Variants in LTA4H observed in about 807,000 individuals in gnomAD.
LTA4H encodes the protein leukotriene A4 hydrolase.
LTA4H carries 59 observed loss-of-function variants against 89.8 expected under a neutral mutation model. The ratio of observed to expected loss-of-function variants is 0.66; its 90% confidence interval spans 0.53 to 0.82. LTA4H has a LOEUF of 0.82. Among genes scored for constraint, LTA4H ranks in the 40% least tolerant of loss-of-function variants. The probability of loss-of-function intolerance (pLI) is 0.00; values close to 1 mark genes in which losing one functional copy is unlikely to be tolerated. For missense variants in LTA4H, 617 were observed against 727.0 expected, an observed-to-expected ratio of 0.85 and a Z score of 1.74; for synonymous variants, 227 against 253.1, an observed-to-expected ratio of 0.90 and a Z score of 0.98.
At chr12:96,019,748 C>T (rs530865108) in intron 6 of LTA4H, among the ~76,000 whole-genome samples, 16 of 151,786 alleles carry the variant, frequency 1.1e-4, no homozygotes, top group South Asian at 6.2e-4. Context: ...CCCGCCACCA[C>T]GCCCAGCTAA....
intron 2 of LTA4H, among the ~76,000 whole-genome samples, chr12:96,028,608 G>T (rs1360292244): frequency 6.6e-6 from 1 of 152,180 alleles, no homozygotes; most frequent in African/African-American, 2.4e-5. Context: ...ATACAAGAAT[G>T]CATTTAAAGC....
chr12:96,001,083 G>A lies in LTA4H; in HGVS notation c.1742C>T (p.Ser581Phe), dbSNP rs1190162137. Reference sequence around the variant, plus strand: ...GTAGGTTCGGACAGCTTGATCATGGGATTTGTCAAAGGCAGCAAGATCCCT... The same window carrying A: ...GTAGGTTCGGACAGCTTGATCATGGAATTTGTCAAAGGCAGCAAGATCCCT... ...LFKDLAAFDKSHDQAVRTYQE... is the reference protein window; with the variant it reads ...LFKDLAAFDKFHDQAVRTYQE... Residue 581 changes from serine to phenylalanine, a missense_variant, in exon 19 of 19, where the codon TCC becomes TTC. Physicochemically the swap from Ser to Phe is radical, Grantham distance 155 (BLOSUM62 -2). This residue lies in a region of LTA4H where 290 missense variants were observed against 339.1 expected (regional missense o/e 0.86). Transcript: ENST00000228740. 6.2e-7 allele frequency: 1 copy of A among 1,613,634 alleles called. No individual in the cohort carries two copies. The highest frequency in any genetic ancestry group is 8.5e-7 in the Non-Finnish European group (1 of 1,179,816).
chr12:96,001,357 A>G (rs1565998981), intron 18 of LTA4H, among the ~76,000 whole-genome samples: 1 of 152,202 alleles, frequency 6.6e-6, no homozygotes, highest in Non-Finnish European at 1.5e-5. Flanking sequence ...ACAGGGTCCC[A>G]GAGACCTCCT....
chr12:96,017,736 AC>A (rs1592884247), intron 8 of LTA4H, among the ~76,000 whole-genome samples, 156 bp from the exon 9 acceptor site: 2 of 152,310 alleles, frequency 1.3e-5, no homozygotes, highest in African/African-American at 4.8e-5. Context: ...AATTGAAAAA[AC>A]AAAAAAAATA....
In LTA4H at chr12:96,015,694, CCT is replaced by C; in HGVS notation, c.948-2_948-1del. The C allele has an allele frequency of 6.4e-7, 1 of 1,553,050 alleles. No homozygotes were observed. The highest frequency in any genetic ancestry group is 1.1e-5 in the South Asian group (1 of 87,324). ...AGTACACAGTATGTCCCTCATTTAA[CCT>C]GAAAAAAAAATATTTTAATAAAAAC... On this transcript the variant is annotated splice_acceptor_variant, in intron 10 of 18. Transcript: ENST00000228740. LOFTEE classifies it high-confidence loss of function.
At chr12:96,024,612 T>G in intron 3 of LTA4H, 65 bp from the exon 4 acceptor site, 3 of 1,015,402 alleles carry the variant, frequency 3.0e-6, no homozygotes, top group Non-Finnish European at 4.6e-6. Flanking sequence ...AAGAAATCAT[T>G]AAAAATTGCA....
At chr12:96,038,681 A>C (rs1036779412), upstream of LTA4H, among the ~76,000 whole-genome samples, 3 of 151,648 alleles carry the variant, frequency 2.0e-5, no homozygotes, top group South Asian at 2.1e-4. Flanking sequence ...ACAGAGCCGC[A>C]AACATTTTTT....
At position 96,000,918 on chromosome 12, in the gene LTA4H, T is replaced by TGAA. The variant is rs2136843060; in HGVS notation, c.*68_*70dup. 1.8e-6 allele frequency: 2 copies of TGAA among 1,093,676 alleles called. No homozygotes were observed. Among genetic ancestry groups the TGAA allele is most frequent in the East Asian group, 4.8e-5 (2 of 42,000 alleles). The allele number at this position is 1,093,676 out of a possible 1,614,324, so 67.7% of individuals were successfully genotyped here. A position where few individuals can be genotyped will look rare whatever the true frequency, so the allele number is the denominator to read the frequency against. On this transcript the variant is annotated 3_prime_UTR_variant, in exon 19 of 19. Coordinates refer to ENST00000228740, the MANE Select transcript of LTA4H (RefSeq NM_000895.3). ...TAAAAAGACAGTTTTAATTGTGAGC[T>TGAA]GAAGTTTTATATTTCTTTACGAATT...
intron 4 of LTA4H, among the ~76,000 whole-genome samples, chr12:96,023,371 T>C (rs1211750704): frequency 2.6e-5 from 4 of 152,170 alleles, no homozygotes; most frequent in Non-Finnish European, 5.9e-5. Context: ...CTTGTTCAAG[T>C]GTCACATCAT....
chr12:96,003,593 A>ATTT, intron 17 of LTA4H: 2 of 253,410 alleles, frequency 7.9e-6, no homozygotes, highest in East Asian at 7.0e-5. Flanking sequence ...CTTCATTCTA[A>ATTT]TTTTTTTTTT....
chr12:96,008,653 A>C (rs985094934), intron 15 of LTA4H, among the ~76,000 whole-genome samples: 4 of 152,134 alleles, frequency 2.6e-5, no homozygotes, highest in Non-Finnish European at 5.9e-5. Context: ...ACAGTGGCTC[A>C]TGCCTGATGC....
At chr12:96,035,641 C>T, upstream of LTA4H, 3 of 1,429,932 alleles carry the variant, frequency 2.1e-6, no homozygotes, top group East Asian at 2.6e-5. Context: ...TCGCGGTGCA[C>T]GCCGGGAAAG....
At chr12:96,039,350 A>G (rs1011078085), upstream of LTA4H, among the ~76,000 whole-genome samples, 5 of 152,266 alleles carry the variant, frequency 3.3e-5, no homozygotes, top group African/African-American at 1.2e-4. Context: ...TTATAGAGCC[A>G]TATGAACAGG....
chr12:96,018,729 C>A, intron 8 of LTA4H, 34 bp downstream of exon 8: 3 of 1,483,478 alleles, frequency 2.0e-6, no homozygotes, highest in Non-Finnish European at 2.7e-6. Flanking sequence ...ATTTTTGAAA[C>A]GTCAATTTCA....
At chr12:96,034,627 G>A (rs1304734914) in intron 1 of LTA4H, among the ~76,000 whole-genome samples, 1 of 152,218 alleles carries the variant, frequency 6.6e-6, no homozygotes, top group Non-Finnish European at 1.5e-5. Context: ...ACCCTGAAGA[G>A]AGAGAGCTGC....
In LTA4H at chr12:96,006,341, A is replaced by T. The variant is rs1252327033; in HGVS notation, c.1503T>A (p.Asn501Lys). The T allele has an allele frequency of 1.2e-6, 2 of 1,611,392 alleles. No homozygotes were observed. The highest frequency in any genetic ancestry group is 2.2e-5 in the South Asian group (2 of 90,868). Residue 501 changes from asparagine (N) to lysine (K), a missense_variant, in exon 16 of 19, where the codon AAT becomes AAA. Around this residue, in one of 3 missense-constraint regions of LTA4H, gnomAD observed 290 missense variants for 339.1 expected, o/e 0.86. Coordinates refer to ENST00000228740, the MANE Select transcript of LTA4H (RefSeq NM_000895.3). ...TCTGGAGCGTCTGTGCTAAAAACTC[A>T]TTCAATTGATGAGAAGAGAGATCCT... ...DLKDLSSHQL[N>K]EFLAQTLQRA...
At position 96,027,427 on chromosome 12, in the gene LTA4H, T is replaced by C; in HGVS notation, c.411+17A>G. On this transcript the variant is annotated intron_variant, in intron 3 of 18. Coordinates refer to ENST00000228740, the MANE Select transcript of LTA4H (RefSeq NM_000895.3). ...TGAAATTTTCTGCATCAGAAATCAT[T>C]CTGGAATCCTTTTTACCTGGCACTG... 1 of 1,559,618 alleles carries C rather than the reference T, an allele frequency of 6.4e-7. No homozygotes were observed. Among genetic ancestry groups the C allele is most frequent in the Admixed American group, 2.1e-5 (1 of 46,982 alleles).
intron 3 of LTA4H, among the ~76,000 whole-genome samples, chr12:96,026,536 A>C (rs1262610630): frequency 6.6e-6 from 1 of 152,154 alleles, no homozygotes; most frequent in Non-Finnish European, 1.5e-5. Context: ...CAATTTGTAC[A>C]CTCTTGCGTA....
chr12:96,005,409 T>C (rs77893837), intron 16 of LTA4H, among the ~76,000 whole-genome samples: 6,700 of 152,218 alleles, frequency 0.044, 499 homozygotes, highest in African/African-American at 0.15. Context: ...TCCCGACTCT[T>C]CTGCTGGATT....
Sources: allele counts gnomAD v4.1 joint callset (sites outside exome capture counted in the v4.1 genomes callset), GRCh38; gene constraint gnomAD v4.1.1; regional missense constraint gnomAD v4.1.1; transcripts MANE v1.5; gene names NCBI Gene and HGNC (gene_info 2026-07-23, HGNC 2026-07-21).